Variants in NTNG1 observed in about 807,000 individuals in gnomAD.
NTNG1 encodes netrin G1, also known as netrin-G1.
NTNG1 carries 16 observed loss-of-function variants against 54.0 expected under a neutral mutation model. The ratio of observed to expected loss-of-function variants is 0.30; its 90% CI spans 0.20 to 0.45. The LOEUF (loss-of-function observed/expected upper bound fraction) is 0.45, where lower values mean the gene tolerates loss of function less well. Ranked by LOEUF, NTNG1 falls within the 20% of genes least tolerant of loss-of-function variation. NTNG1 has a pLI of 1.00. For missense variants in NTNG1, 530 were observed against 678.7 expected (o/e 0.78, Z 2.43); for synonymous variants, 255 against 263.1 (o/e 0.97, Z 0.30).
intron 2 of NTNG1, among the ~76,000 whole-genome samples, chr1:107,235,997 TAAG>T (rs1429926083): frequency 6.6e-6 from 1 of 152,156 alleles, no homozygotes; most frequent in Non-Finnish European, 1.5e-5. Context: ...GAAAAAGCTG[TAAG>T]ACACAGAATC....
intron 2 of NTNG1, among the ~76,000 whole-genome samples, chr1:107,307,045 G>T (rs1172765019): frequency 6.6e-5 from 10 of 152,306 alleles, no homozygotes; most frequent in African/African-American, 2.2e-4. Flanking sequence ...AAGGCTGGGA[G>T]AATTGTGTTC....
At chr1:107,447,336 C>T (rs917165888) in intron 7 of NTNG1, among the ~76,000 whole-genome samples, 2 of 152,038 alleles carry the variant, frequency 1.3e-5, no homozygotes, top group African/African-American at 4.8e-5. Flanking sequence ...TACAGAAGAG[C>T]TTGTTATCAG....
chr1:107,445,772 T>A (rs999430779), intron 7 of NTNG1, among the ~76,000 whole-genome samples: 1 of 152,128 alleles, frequency 6.6e-6, no homozygotes, highest in Non-Finnish European at 1.5e-5. Context: ...TCACAGCTAC[T>A]CAACCCTGCT....
In NTNG1 at chr1:107,245,213, G is replaced by A. The variant is rs1662118159; in HGVS notation, c.247-79069G>A. ...CACTATCAGGCTAATCTGAATAGAT[G>A]ACTAAAAATCCAGTGGTTGATAAAT... On this transcript the variant is annotated intron_variant, in intron 2 of 7. Transcript: ENST00000370068. Among the ~76,000 whole-genome samples, 3 of 152,282 alleles carry A rather than the reference G, an allele frequency of 2.0e-5. No individual in the cohort carries two copies. The South Asian group carries it at 6.2e-4, about 32-fold the overall frequency.
At chr1:107,155,255 T>C (rs1654897949) in intron 2 of NTNG1, among the ~76,000 whole-genome samples, 1 of 151,930 alleles carries the variant, frequency 6.6e-6, no homozygotes, top group Non-Finnish European at 1.5e-5. Flanking sequence ...CATGAAGCCC[T>C]CGTGTCATCT....
intron 7 of NTNG1, among the ~76,000 whole-genome samples, chr1:107,438,153 A>G (rs1186278550): frequency 1.3e-5 from 2 of 152,302 alleles, no homozygotes; most frequent in East Asian, 1.9e-4. Flanking sequence ...TGGCAGCCAC[A>G]CTTCTAAGTA....
At chr1:107,383,664 G>C (rs186254575) in intron 3 of NTNG1, among the ~76,000 whole-genome samples, 89 of 152,302 alleles carry the variant, frequency 5.8e-4, no homozygotes, top group Middle Eastern at 3.4e-3. Context: ...GAAGGAAGCT[G>C]AGACTCAGTT....
At position 107,299,435 on chromosome 1, in the gene NTNG1, G is replaced by A. The variant is rs192573135; in HGVS notation, c.247-24847G>A. On this transcript the variant is annotated intron_variant, in intron 2 of 7. Transcript: ENST00000370068. ...TACAGTGGTACTTCTCAAAATCAAT[G>A]GTGTAGTGGATTTTATGAACTATAG... Among the ~76,000 whole-genome samples, 190 of 152,074 alleles carry A rather than the reference G, an allele frequency of 1.2e-3. 1 individual carries two copies. Among genetic ancestry groups the A allele is most frequent in the African/African-American group, 4.5e-3 (185 of 41,486 alleles).
chr1:107,427,307 T>C lies in NTNG1; in HGVS notation c.1088-3443T>C, dbSNP rs1674974254. 2.6e-5 allele frequency among the ~76,000 whole-genome samples: 4 copies of C among 152,142 alleles called. 1 individual carries two copies. The South Asian group carries it at 6.2e-4, about 24-fold the overall frequency. Reference sequence around the variant, plus strand: ...AAGGGAGTATATAAAAGGAAGTGATTATAAGGATTGGACTATGGATACTAT... The same window carrying C: ...AAGGGAGTATATAAAAGGAAGTGATCATAAGGATTGGACTATGGATACTAT... On this transcript the variant is annotated intron_variant, in intron 5 of 7. Transcript: ENST00000370068.
At chr1:107,304,342 A>C (rs1168309528) in intron 2 of NTNG1, among the ~76,000 whole-genome samples, 1 of 152,134 alleles carries the variant, frequency 6.6e-6, no homozygotes, top group African/African-American at 2.4e-5. Flanking sequence ...CAAATTATAT[A>C]TAGTAACTCA....
chr1:107,456,796 C>T (rs542134026), intron 7 of NTNG1, among the ~76,000 whole-genome samples: 1 of 152,316 alleles, frequency 6.6e-6, no homozygotes, highest in South Asian at 2.1e-4. Flanking sequence ...GACCTCAGTC[C>T]CCAAGTTGGA....
At position 107,322,478 on chromosome 1, in the gene NTNG1, A is replaced by G. The variant is rs376433176; in HGVS notation, c.247-1804A>G. 1.7e-4 allele frequency among the ~76,000 whole-genome samples: 26 copies of G among 152,202 alleles called. No individual in the cohort carries two copies. The East Asian group carries it at 4.1e-3, about 24-fold the overall frequency. On this transcript the variant is annotated intron_variant, in intron 2 of 7. Coordinates refer to ENST00000370068, the MANE Select transcript of NTNG1 (RefSeq NM_001113226.3). ...GTGTAAATCTGACCTCTTCCTGTAAAATGTGCATTTACATATATTTAGAAT... is the reference window on the plus strand; with the variant it reads ...GTGTAAATCTGACCTCTTCCTGTAAGATGTGCATTTACATATATTTAGAAT...
intron 2 of NTNG1, among the ~76,000 whole-genome samples, chr1:107,312,759 C>T (rs952872155): frequency 6.6e-6 from 1 of 152,144 alleles, no homozygotes; most frequent in Non-Finnish European, 1.5e-5. Flanking sequence ...TCTTTACATA[C>T]CACTGCAATG....
chr1:107,382,508 A>G (rs2101038137), intron 3 of NTNG1, among the ~76,000 whole-genome samples: 1 of 152,350 alleles, frequency 6.6e-6, no homozygotes, highest in African/African-American at 2.4e-5. Flanking sequence ...GAAAGATTGC[A>G]GGCATTGACT....
chr1:107,480,576 G>GGCCCCCCCCC, intron 7 of NTNG1, 35 bp from the exon 8 acceptor site: 9 of 339,090 alleles, frequency 2.7e-5, no homozygotes, highest in East Asian at 1.1e-4. Context: ...TCCTCCCCGC[G>GGCCCCCCCCC]CCCACCCACC....
At chr1:107,199,847 T>TAA (rs11403904) in intron 2 of NTNG1, among the ~76,000 whole-genome samples, 4 of 151,708 alleles carry the variant, frequency 2.6e-5, no homozygotes, top group African/African-American at 9.7e-5. Flanking sequence ...TTGTCATCCT[T>TAA]AAAAAATACA....
At chr1:107,422,039 T>A (rs915570230) in intron 5 of NTNG1, among the ~76,000 whole-genome samples, 1 of 152,108 alleles carries the variant, frequency 6.6e-6, no homozygotes, top group Non-Finnish European at 1.5e-5. Flanking sequence ...GTTGAATTTG[T>A]CCTTCCATGG....
At position 107,346,025 on chromosome 1, in the gene NTNG1, T is replaced by C. The variant is rs143837074; in HGVS notation, c.887+21103T>C. Among the ~76,000 whole-genome samples, 1,049 of 152,312 alleles carry C rather than the reference T, an allele frequency of 6.9e-3. 13 individuals are homozygous for C. Among genetic ancestry groups the C allele is most frequent in the African/African-American group, 0.021 (860 of 41,568 alleles). On this transcript the variant is annotated intron_variant, in intron 3 of 7. Transcript: ENST00000370068. ...CAGCAACACACAAAAAAGGCACACC[T>C]GATAAGCCTCGATTTGAGTTGGGGT...
chr1:107,148,224 C>G lies in NTNG1; in HGVS notation c.-370C>G, dbSNP rs544401187. ...TCACTCAGGGTTATCGGATGTACAA[C>G]GGGAGAGCCATCGCTTTGCTAAATT... On this transcript the variant is annotated 5_prime_UTR_variant, in exon 2 of 8. Transcript: ENST00000370068. 3 of 187,908 alleles carry G rather than the reference C, an allele frequency of 1.6e-5. No homozygotes were observed. In the South Asian group the frequency reaches 3.2e-4, roughly 20 times the overall value. The allele number at this position is 187,908 out of a possible 1,614,324, so 11.6% of individuals were successfully genotyped here.
Sources: allele counts gnomAD v4.1 joint callset (sites outside exome capture counted in the v4.1 genomes callset), GRCh38; gene constraint gnomAD v4.1.1; transcripts MANE v1.5; gene names NCBI Gene and HGNC (gene_info 2026-07-23, HGNC 2026-07-21).